KCNMB2: variants seen among roughly 807,000 people sequenced by gnomAD.
KCNMB2 encodes the protein calcium-activated potassium channel subunit beta-2.
A neutral mutation model predicts 24.5 loss-of-function variants in KCNMB2; 9 were observed. That is an observed-to-expected ratio of 0.37 (90% CI 0.22 to 0.64). The LOEUF is 0.64. Among genes scored for constraint, KCNMB2 ranks in the 30% least tolerant of loss-of-function variants. KCNMB2 has a pLI of 0.63. For missense variants in KCNMB2, 226 were observed against 284.3 expected (o/e 0.79, Z 1.47); for synonymous variants, 109 against 104.4 (o/e 1.04, Z -0.27).
intron 1 of KCNMB2, among the ~76,000 whole-genome samples, chr3:178,711,254 G>A (rs1448608183): frequency 6.6e-6 from 1 of 152,080 alleles, no homozygotes; most frequent in Non-Finnish European, 1.5e-5. Flanking sequence ...TATTTTAATT[G>A]TGTATATTTG....
At chr3:178,608,566 A>G (rs1577045467) in intron 1 of KCNMB2, among the ~76,000 whole-genome samples, 1 of 152,190 alleles carries the variant, frequency 6.6e-6, no homozygotes, top group African/African-American at 2.4e-5. Context: ...AAAATGTACA[A>G]TTAAGTTATC....
chr3:178,589,744 G>C (rs1041599263), intron 1 of KCNMB2, among the ~76,000 whole-genome samples: 1 of 152,088 alleles, frequency 6.6e-6, no homozygotes, highest in African/African-American at 2.4e-5. Context: ...TCCCATCCAG[G>C]GTTCCCTCAC....
chr3:178,586,523 C>CTTTTTTT (rs1160913551), intron 1 of KCNMB2, among the ~76,000 whole-genome samples: 8 of 61,822 alleles, frequency 1.3e-4, no homozygotes, highest in Non-Finnish European at 2.2e-4. Context: ...ATTTTCTTTT[C>CTTTTTTT]TTTTTTTTTT....
intron 1 of KCNMB2, among the ~76,000 whole-genome samples, chr3:178,539,286 G>T (rs1715535048): frequency 6.6e-6 from 1 of 151,994 alleles, no homozygotes; most frequent in African/African-American, 2.4e-5. Context: ...CAGACTGCAA[G>T]AATGTGTATA....
chr3:178,724,997 A>G (rs12696460), intron 1 of KCNMB2, among the ~76,000 whole-genome samples: 72,711 of 151,654 alleles, frequency 0.48, 17,755 homozygotes, highest in African/African-American at 0.59. Flanking sequence ...GGCTATTCAG[A>G]CTCTTTTTTG....
rs556747470 is a variant in KCNMB2 at position 178,830,922 on chromosome 3, A to T, written c.423+2549A>T. Among the ~76,000 whole-genome samples, 10 of 152,284 alleles carry T rather than the reference A, an allele frequency of 6.6e-5. 1 individual carries two copies. Among genetic ancestry groups the T allele is most frequent in the African/African-American group, 2.4e-4 (10 of 41,576 alleles). ...TGGAAGAAACTTCTAATTTCAGTGT[A>T]ACCAGATTTTGTCAATCTTTTTCTT... On this transcript the variant is annotated intron_variant, in intron 4 of 4. Transcript: ENST00000452583.
At position 178,843,262 on chromosome 3, in the gene KCNMB2, T is replaced by C. The variant is rs1024840416; in HGVS notation, c.*325T>C. On this transcript the variant is annotated 3_prime_UTR_variant, in exon 5 of 5. Transcript: ENST00000452583. ...CGTGGAGGAATGTAGGTGACATCAA[T>C]GTGATAAAGTCTGTGTTCTGAGTTG... is the stretch of plus-strand genomic sequence containing the variant. The C allele has an allele frequency of 2.1e-6, 1 of 478,448 alleles. No homozygotes were observed. The highest frequency in any genetic ancestry group is 1.5e-5 in the South Asian group (1 of 64,696). 29.6% of individuals were successfully genotyped at this position (478,448 alleles called of 1,614,324 possible).
intron 2 of KCNMB2, among the ~76,000 whole-genome samples, chr3:178,823,979 A>G (rs1714734160): frequency 6.6e-6 from 1 of 152,086 alleles, no homozygotes; most frequent in South Asian, 2.1e-4. Flanking sequence ...TGCTGTTTCT[A>G]GGCTCTAAAG....
At chr3:178,763,640 T>C (rs1231575291) in intron 1 of KCNMB2, among the ~76,000 whole-genome samples, 7 of 152,170 alleles carry the variant, frequency 4.6e-5, no homozygotes, top group Non-Finnish European at 1.0e-4. Context: ...CTAGTGATGA[T>C]ACAATTTAGG....
At chr3:178,768,384 C>G (rs572496970) in intron 1 of KCNMB2, among the ~76,000 whole-genome samples, 1 of 152,044 alleles carries the variant, frequency 6.6e-6, no homozygotes, top group East Asian at 1.9e-4. Context: ...AATTGCAGCG[C>G]CCTCAAGTAT....
rs1491583407 is a variant in KCNMB2, at chr3:178,793,522, T to TGGG, written c.-67-13820_-67-13818dup. Reference sequence around the variant, plus strand: ...GAAGCTGCTCTTCACCCTGGGGGGGTGGGCAATGGACAGCAGAAGGACTCA... The same window carrying TGGG: ...GAAGCTGCTCTTCACCCTGGGGGGGTGGGGGGCAATGGACAGCAGAAGGACTCA... On this transcript the variant is annotated intron_variant, in intron 1 of 4. Transcript: ENST00000452583. Among the ~76,000 whole-genome samples the TGGG allele has an allele frequency of 3.4e-5, 5 of 148,430 alleles. No homozygotes were observed. The East Asian group carries it at 6.0e-4, about 18-fold the overall frequency.
chr3:178,679,040 G>GTT (rs1308658664), intron 1 of KCNMB2, among the ~76,000 whole-genome samples: 7 of 115,630 alleles, frequency 6.1e-5, no homozygotes, highest in Non-Finnish European at 9.3e-5. Context: ...TTGTTTGTTT[G>GTT]TTTTTTGTTT....
intron 1 of KCNMB2, among the ~76,000 whole-genome samples, chr3:178,791,725 T>G (rs1287453840): frequency 1.3e-5 from 2 of 151,626 alleles, no homozygotes; most frequent in Non-Finnish European, 2.9e-5. Context: ...GAAAGGATAT[T>G]AAAAGCAGCA....
intron 1 of KCNMB2, among the ~76,000 whole-genome samples, chr3:178,714,662 G>T (rs1478179581): frequency 1.3e-5 from 2 of 152,202 alleles, no homozygotes; most frequent in African/African-American, 4.8e-5. Context: ...ACTCTTTTGG[G>T]TCAAATGAAA....
chr3:178,784,435 T>C (rs1005067835), intron 1 of KCNMB2, among the ~76,000 whole-genome samples: 1 of 152,122 alleles, frequency 6.6e-6, no homozygotes, highest in Admixed American at 6.6e-5. Context: ...AGTATATGTG[T>C]CCCTAATTTA....
At chr3:178,614,000 C>A (rs936925209) in intron 1 of KCNMB2, among the ~76,000 whole-genome samples, 1 of 151,002 alleles carries the variant, frequency 6.6e-6, no homozygotes, top group African/African-American at 2.4e-5. Context: ...CTATGTTTTT[C>A]TTTTTTCTCC....
chr3:178,757,780 A>T (rs1178362869), intron 1 of KCNMB2, among the ~76,000 whole-genome samples: 1 of 127,830 alleles, frequency 7.8e-6, no homozygotes, highest in Non-Finnish European at 1.7e-5. Context: ...CCAAGAGGAT[A>T]TATATACATA....
At chr3:178,580,230 A>G (rs930272258) in intron 1 of KCNMB2, among the ~76,000 whole-genome samples, 1 of 152,226 alleles carries the variant, frequency 6.6e-6, no homozygotes, top group African/African-American at 2.4e-5. Context: ...ATGCAAATCA[A>G]TAAACTTAAT....
At chr3:178,781,785 T>C (rs1375186796) in intron 1 of KCNMB2, among the ~76,000 whole-genome samples, 3 of 147,884 alleles carry the variant, frequency 2.0e-5, no homozygotes, top group Middle Eastern at 3.5e-3. Context: ...ATGAAACCGC[T>C]TTTTTTTTTC....
Sources: gnomAD v4.1 joint callset for allele counts (sites outside exome capture counted in the v4.1 genomes callset) on GRCh38, gnomAD v4.1.1 for gene constraint, MANE v1.5 for transcripts, NCBI Gene and HGNC (gene_info 2026-07-23, HGNC 2026-07-21) for gene names.